FOCAD: variants seen among roughly 807,000 people sequenced by gnomAD.
FOCAD encodes the protein focadhesin, also known as KIAA1797.
A neutral mutation model predicts 225.6 loss-of-function variants in FOCAD; 198 were observed. That is an observed-to-expected ratio of 0.88 (90% CI 0.78 to 0.99). The LOEUF (loss-of-function observed/expected upper bound fraction) is 0.99. Among genes scored for constraint, FOCAD ranks in the 50% least tolerant of loss-of-function variants. FOCAD has a pLI of 0.00. For missense variants in FOCAD, 2,713 were observed against 2,123.6 expected, an observed-to-expected ratio of 1.28 and a Z score of -5.46; for synonymous variants, 897 against 755.0, an observed-to-expected ratio of 1.19 and a Z score of -3.08.
chr9:20,714,641 T>TTCCG (rs1825170049), intron 1 of FOCAD, among the ~76,000 whole-genome samples: 1 of 118,280 alleles, frequency 8.5e-6, no homozygotes, highest in East Asian at 2.1e-4. Context: ...CCTGCCTTCC[T>TTCCG]TCCTTCCTTC....
intron 1 of FOCAD, among the ~76,000 whole-genome samples, chr9:20,713,058 C>T (rs1825000325): frequency 6.6e-6 from 1 of 152,074 alleles, no homozygotes; most frequent in Non-Finnish European, 1.5e-5. Flanking sequence ...TTATCCAATC[C>T]ATTAGCAGCC....
intron 16 of FOCAD, 55 bp downstream of exon 16, chr9:20,862,767 T>TATAATACACATA (rs1828890910): frequency 1.3e-6 from 2 of 1,559,298 alleles, no homozygotes; most frequent in Non-Finnish European, 1.7e-6. Context: ...AGATGTGTGT[T>TATAATACACATA]ATAATAACTT....
intron 19 of FOCAD, among the ~76,000 whole-genome samples, chr9:20,881,240 C>G (rs945505592): frequency 6.6e-6 from 1 of 152,140 alleles, no homozygotes; most frequent in African/African-American, 2.4e-5. Context: ...GTGGCACTGA[C>G]TTAAATATCA....
chr9:20,841,175 A>G (rs932792873), intron 15 of FOCAD, among the ~76,000 whole-genome samples: 1 of 151,806 alleles, frequency 6.6e-6, no homozygotes, highest in Non-Finnish European at 1.5e-5. Flanking sequence ...TTGGCCTGTA[A>G]TTTTCTTTTT....
At chr9:20,877,450 T>C (rs529417547) in intron 19 of FOCAD, among the ~76,000 whole-genome samples, 1 of 152,292 alleles carries the variant, frequency 6.6e-6, no homozygotes, top group South Asian at 2.1e-4. Flanking sequence ...ACTTCATAGA[T>C]CACTTTACAC....
At chr9:20,747,326 T>G (rs965227500) in intron 5 of FOCAD, among the ~76,000 whole-genome samples, 1 of 152,178 alleles carries the variant, frequency 6.6e-6, no homozygotes, top group Non-Finnish European at 1.5e-5. Context: ...AAATCCAAGT[T>G]AAATTTTTTT....
At chr9:20,766,978 C>T (rs1057324762) in intron 7 of FOCAD, among the ~76,000 whole-genome samples, 2 of 152,052 alleles carry the variant, frequency 1.3e-5, no homozygotes, top group Admixed American at 1.3e-4. Flanking sequence ...CTCCCCTCTC[C>T]CCCACCCCAC....
intron 11 of FOCAD, among the ~76,000 whole-genome samples, chr9:20,818,524 T>C (rs1474918660): frequency 6.6e-6 from 1 of 152,174 alleles, no homozygotes; most frequent in East Asian, 1.9e-4. Flanking sequence ...AAATCCATTT[T>C]GAGTTAATTT....
intron 5 of FOCAD, among the ~76,000 whole-genome samples, chr9:20,743,444 A>T (rs1034259110): frequency 9.2e-5 from 14 of 152,232 alleles, no homozygotes; most frequent in African/African-American, 3.4e-4. Context: ...ATACTTGGTC[A>T]TCTTAAATGG....
intron 4 of FOCAD, among the ~76,000 whole-genome samples, chr9:20,727,281 C>T (rs1826279346): frequency 6.6e-6 from 1 of 152,014 alleles, no homozygotes; most frequent in Non-Finnish European, 1.5e-5. Flanking sequence ...ACATTCTGCC[C>T]TATTTCTTTT....
rs937775479 is a variant in FOCAD, at chr9:20,711,820, A to G, written c.-32-3502A>G. ...CCAGATGACGACTGATAGCTGTGGG[A>G]GAGTTTGTATGGAGGGACAACAGCA... On this transcript the variant is annotated intron_variant, in intron 1 of 43. Coordinates refer to ENST00000338382, the MANE Select transcript of FOCAD (RefSeq NM_001375567.1). Among the ~76,000 whole-genome samples, 17 of 152,180 alleles carry G rather than the reference A, an allele frequency of 1.1e-4. 1 individual carries two copies. The highest frequency in any genetic ancestry group is 2.9e-5 in the Non-Finnish European group (2 of 68,036).
intron 21 of FOCAD, among the ~76,000 whole-genome samples, chr9:20,893,404 T>C (rs1036479889): frequency 2.0e-5 from 3 of 152,104 alleles, no homozygotes; most frequent in African/African-American, 7.2e-5. Flanking sequence ...TGTGTACATA[T>C]AGTGGGATAG....
intron 28 of FOCAD, among the ~76,000 whole-genome samples, chr9:20,937,647 A>G (rs1430966328): frequency 6.6e-6 from 1 of 152,184 alleles, no homozygotes; most frequent in Non-Finnish European, 1.5e-5. Context: ...CCTAGACAAT[A>G]CCATTCAGGA....
intron 4 of FOCAD, among the ~76,000 whole-genome samples, chr9:20,721,028 A>G (rs1230484807): frequency 6.6e-6 from 1 of 152,116 alleles, no homozygotes; most frequent in Admixed American, 6.5e-5. Flanking sequence ...TGTTCTTTGA[A>G]TTTGTTTGGT....
chr9:20,973,032 C>T (rs1839897634), intron 35 of FOCAD, among the ~76,000 whole-genome samples: 1 of 150,656 alleles, frequency 6.6e-6, no homozygotes, highest in Non-Finnish European at 1.5e-5. Context: ...CTGATGTGGC[C>T]TCTGCTTCTC....
intron 2 of FOCAD, among the ~76,000 whole-genome samples, chr9:20,671,876 A>G (rs940874257): frequency 2.6e-5 from 4 of 152,132 alleles, no homozygotes; most frequent in African/African-American, 4.8e-5. Flanking sequence ...CTGAGAGCTA[A>G]TTGTGTACAC....
intron 21 of FOCAD, among the ~76,000 whole-genome samples, chr9:20,889,597 G>A (rs570342629): frequency 7.9e-5 from 12 of 152,122 alleles, no homozygotes; most frequent in Admixed American, 7.9e-4. Context: ...ATTGAGATCT[G>A]TAGATTTGTG....
At chr9:20,799,080 T>C (rs1266334370) in intron 11 of FOCAD, among the ~76,000 whole-genome samples, 3 of 152,236 alleles carry the variant, frequency 2.0e-5, no homozygotes, top group African/African-American at 7.2e-5. Flanking sequence ...AGAATATCTT[T>C]ATTTCTGCCT....
chr9:20,889,545 C>G lies in FOCAD; in HGVS notation c.2625+4315C>G, dbSNP rs993488243. Among the ~76,000 whole-genome samples, 5 of 152,146 alleles carry G rather than the reference C, an allele frequency of 3.3e-5. No individual in the cohort carries two copies. In the East Asian group the frequency reaches 9.6e-4, roughly 29 times the overall value. On this transcript the variant is annotated intron_variant, in intron 21 of 43. Coordinates refer to ENST00000338382, the MANE Select transcript of FOCAD (RefSeq NM_001375567.1). Reference sequence around the variant, plus strand: ...TAGGCACTTCTGCAAAAATCACTTGCCCATATATGTTTGGGTCTATTTCTG... The same window carrying G: ...TAGGCACTTCTGCAAAAATCACTTGGCCATATATGTTTGGGTCTATTTCTG...
Sources: allele counts gnomAD v4.1 joint callset (sites outside exome capture counted in the v4.1 genomes callset), GRCh38; gene constraint gnomAD v4.1.1; transcripts MANE v1.5; gene names NCBI Gene and HGNC (gene_info 2026-07-23, HGNC 2026-07-21).